FRMD4A: variants seen among roughly 807,000 people sequenced by gnomAD.
FRMD4A encodes FERM domain containing 4A, also known as FERM domain-containing protein 4A.
Under a neutral mutation model 129.1 loss-of-function variants are expected in FRMD4A, and 29 were observed. The ratio of observed to expected loss-of-function variants is 0.22; its 90% CI spans 0.17 to 0.31. The LOEUF (loss-of-function observed/expected upper bound fraction) is 0.31, where lower values mean the gene tolerates loss of function less well. Among genes scored for constraint, FRMD4A ranks in the 10% least tolerant of loss-of-function variants. The pLI is 1.00. For missense variants in FRMD4A, 1,272 were observed against 1,375.8 expected (o/e 0.92, Z 1.19); for synonymous variants, 634 against 571.6 (o/e 1.11, Z -1.56).
chr10:14,072,271 G>A lies in FRMD4A; in HGVS notation c.46-213359C>T, dbSNP rs1315775123. Reference sequence around the variant, plus strand: ...GCTCGGCTGAGTTCAGGCACAAATGGGGCCTTGAGAAGTCAGAAGTTCTTA... The same window carrying A: ...GCTCGGCTGAGTTCAGGCACAAATGAGGCCTTGAGAAGTCAGAAGTTCTTA... On this transcript the variant is annotated intron_variant, in intron 2 of 24. Coordinates refer to ENST00000357447, the MANE Select transcript of FRMD4A (RefSeq NM_018027.5). Among the ~76,000 whole-genome samples the A allele has an allele frequency of 2.0e-5, 3 of 152,048 alleles. No homozygotes were observed. In the East Asian group the frequency reaches 5.8e-4, roughly 29 times the overall value.
At chr10:14,084,296 G>A (rs566604821) in intron 2 of FRMD4A, among the ~76,000 whole-genome samples, 28 of 152,194 alleles carry the variant, frequency 1.8e-4, no homozygotes, top group South Asian at 6.2e-4. Flanking sequence ...ACAGGCATGC[G>A]CCACCATGCC....
At chr10:13,896,614 C>T (rs2094761586) in intron 2 of FRMD4A, among the ~76,000 whole-genome samples, 1 of 152,010 alleles carries the variant, frequency 6.6e-6, no homozygotes. Context: ...TTCAGCAAAT[C>T]ACCATGGCAC....
At chr10:13,886,339 T>G (rs1564975738) in intron 2 of FRMD4A, among the ~76,000 whole-genome samples, 2 of 151,126 alleles carry the variant, frequency 1.3e-5, no homozygotes, top group East Asian at 3.9e-4. Context: ...AATTGTGGAG[T>G]GGTAGCTTCA....
intron 2 of FRMD4A, among the ~76,000 whole-genome samples, chr10:14,070,561 G>A (rs942999998): frequency 2.0e-5 from 3 of 152,178 alleles, no homozygotes; most frequent in Non-Finnish European, 2.9e-5. Flanking sequence ...ACATGATGAT[G>A]GAATGAGCAC....
intron 15 of FRMD4A, among the ~76,000 whole-genome samples, chr10:13,683,858 C>G (rs895425514): frequency 6.6e-6 from 1 of 151,784 alleles, no homozygotes; most frequent in Non-Finnish European, 1.5e-5. Flanking sequence ...GATTATAGTG[C>G]GCCACCATGC....
At chr10:14,025,725 C>T (rs1406142839) in intron 2 of FRMD4A, among the ~76,000 whole-genome samples, 1 of 152,178 alleles carries the variant, frequency 6.6e-6, no homozygotes, top group African/African-American at 2.4e-5. Flanking sequence ...CATCATTCTA[C>T]TTAGTGTCTC....
intron 2 of FRMD4A, among the ~76,000 whole-genome samples, chr10:14,048,867 GA>G (rs1834114985): frequency 6.7e-5 from 9 of 135,042 alleles, no homozygotes; most frequent in Non-Finnish European, 1.5e-4. Context: ...GAATAGAATA[GA>G]ATAGAATAGA....
chr10:14,291,658 T>A (rs1475416449), intron 2 of FRMD4A, among the ~76,000 whole-genome samples: 1 of 152,070 alleles, frequency 6.6e-6, no homozygotes, highest in Non-Finnish European at 1.5e-5. Flanking sequence ...TTTCCAGATA[T>A]CTTTAAAAAG....
chr10:14,102,256 G>C (rs1030934554), intron 2 of FRMD4A, among the ~76,000 whole-genome samples: 2 of 152,174 alleles, frequency 1.3e-5, no homozygotes, highest in Non-Finnish European at 2.9e-5. Flanking sequence ...GCCAGACACG[G>C]TGACTCACGC....
chr10:13,783,387 TCTC>T (rs1223139475), intron 5 of FRMD4A, among the ~76,000 whole-genome samples: 1 of 152,096 alleles, frequency 6.6e-6, no homozygotes, highest in South Asian at 2.1e-4. Context: ...TTTCTTTTCT[TCTC>T]CTTTTTTTTC....
chr10:13,887,409 G>A (rs370337153), intron 2 of FRMD4A, among the ~76,000 whole-genome samples: 5 of 152,284 alleles, frequency 3.3e-5, no homozygotes, highest in African/African-American at 4.8e-5. Context: ...GGCCGGGGGC[G>A]GTGGCTCACG....
intron 21 of FRMD4A, among the ~76,000 whole-genome samples, chr10:13,657,998 C>G (rs1210623584): frequency 2.0e-5 from 3 of 150,882 alleles, no homozygotes; most frequent in Admixed American, 6.6e-5. Context: ...AGAAAATTAG[C>G]TGGGTGTAGT....
At chr10:14,166,101 A>T (rs1291844138) in intron 2 of FRMD4A, among the ~76,000 whole-genome samples, 1 of 151,262 alleles carries the variant, frequency 6.6e-6, no homozygotes, top group Non-Finnish European at 1.5e-5. Context: ...TATATATTTG[A>T]TAACTAATAT....
intron 9 of FRMD4A, among the ~76,000 whole-genome samples, chr10:13,746,339 T>G (rs2091288487): frequency 6.6e-6 from 1 of 152,166 alleles, no homozygotes. Flanking sequence ...GCCTCTTGAG[T>G]AGCTGGGACA....
At chr10:14,124,527 T>G (rs1838720295) in intron 2 of FRMD4A, among the ~76,000 whole-genome samples, 1 of 152,076 alleles carries the variant, frequency 6.6e-6, no homozygotes, top group Admixed American at 6.6e-5. Flanking sequence ...AATACAAAAA[T>G]TAGCCGGGCA....
chr10:14,069,113 T>C (rs538055718), intron 2 of FRMD4A, among the ~76,000 whole-genome samples: 2 of 152,200 alleles, frequency 1.3e-5, no homozygotes, highest in Non-Finnish European at 2.9e-5. Context: ...TTTAGGGAAA[T>C]ATCATTGGCC....
chr10:13,647,810 G>A (rs1356657192), intron 24 of FRMD4A: 1 of 149,462 alleles, frequency 6.7e-6, no homozygotes, highest in Non-Finnish European at 1.5e-5. Flanking sequence ...ATCTTAAGAA[G>A]CAATCATAGA....
At chr10:13,818,069 T>G (rs1455508500) in intron 3 of FRMD4A, among the ~76,000 whole-genome samples, 1 of 152,220 alleles carries the variant, frequency 6.6e-6, no homozygotes, top group East Asian at 1.9e-4. Flanking sequence ...CTTAGACAAA[T>G]TACGCAAGCT....
At chr10:13,730,859 C>CAAAAAAAA (rs10639026) in intron 12 of FRMD4A, among the ~76,000 whole-genome samples, 924 of 90,758 alleles carry the variant, frequency 0.01, 26 homozygotes, top group East Asian at 0.03. Context: ...ACTAAAAATA[C>CAAAAAAAA]AAAAAAAAAA....
Sources: gnomAD v4.1 joint callset for allele counts (sites outside exome capture counted in the v4.1 genomes callset) on GRCh38, gnomAD v4.1.1 for gene constraint, MANE v1.5 for transcripts, NCBI Gene and HGNC (gene_info 2026-07-23, HGNC 2026-07-21) for gene names.